Variants in ALG9 observed in about 807,000 individuals in gnomAD.
The protein encoded by ALG9 is alpha-1,2-mannosyltransferase ALG9.
A neutral mutation model predicts 81.8 loss-of-function variants in ALG9; 55 were observed. The observed-to-expected ratio is 0.67, with a 90% confidence interval of 0.54 to 0.84. ALG9 has a LOEUF of 0.84. Among genes scored for constraint, ALG9 ranks in the 40% least tolerant of loss-of-function variants. The pLI, the probability that ALG9 is intolerant of heterozygous loss-of-function variation, is 0.00. For missense variants in ALG9, 629 were observed against 745.0 expected, an observed-to-expected ratio of 0.84 and a Z score of 1.81; for synonymous variants, 278 against 274.3, an observed-to-expected ratio of 1.01 and a Z score of -0.13.
At chr11:111,867,898 ACCG>A (rs1265485842) in intron 3 of ALG9, among the ~76,000 whole-genome samples, 4 of 152,006 alleles carry the variant, frequency 2.6e-5, no homozygotes, top group Non-Finnish European at 4.4e-5. Flanking sequence ...CTACCTTGTT[ACCG>A]CCAAGTGGAG....
rs548465357 is a variant in ALG9 at position 111,820,947 on chromosome 11, C to CACACACA, written c.1603-11175_1603-11174insTGTGTGT. 3.2e-3 allele frequency among the ~76,000 whole-genome samples: 465 copies of CACACACA among 146,916 alleles called. 2 individuals carry two copies. The highest frequency in any genetic ancestry group is 0.014 in the Middle Eastern group (4 of 278). ...ACACACACACACACACACACACACA[C>CACACACA]AAGCCAGGTATGGTGGTGTGCACCT... On this transcript the variant is annotated intron_variant, in intron 13 of 14. Transcript: ENST00000616540.
At chr11:111,846,469 A>G (rs537349498) in intron 8 of ALG9, among the ~76,000 whole-genome samples, 1 of 152,212 alleles carries the variant, frequency 6.6e-6, no homozygotes, top group South Asian at 2.1e-4. Flanking sequence ...AATTTACTAT[A>G]CCCTCCTGTT....
intron 8 of ALG9, among the ~76,000 whole-genome samples, chr11:111,850,854 T>C (rs1383442646): frequency 1.3e-5 from 2 of 152,124 alleles, no homozygotes; most frequent in Non-Finnish European, 2.9e-5. Context: ...ATGGTTGGTA[T>C]GCCAATTCTC....
intron 4 of ALG9, among the ~76,000 whole-genome samples, chr11:111,863,405 G>A (rs1592389771): frequency 1.3e-5 from 2 of 152,200 alleles, no homozygotes; most frequent in Admixed American, 6.5e-5. Context: ...GGGCTTGAAG[G>A]ACCACATAGG....
At chr11:111,864,972 T>TC (rs1961807093) in intron 4 of ALG9, among the ~76,000 whole-genome samples, 2 of 152,244 alleles carry the variant, frequency 1.3e-5, no homozygotes, top group Admixed American at 1.3e-4. Flanking sequence ...AGATGGGGTT[T>TC]CTCCATGTTG....
intron 14 of ALG9, among the ~76,000 whole-genome samples, chr11:111,804,341 T>C (rs1303619375): frequency 6.6e-6 from 1 of 152,100 alleles, no homozygotes; most frequent in East Asian, 1.9e-4. Context: ...CTGTCAACAG[T>C]GAGAAGACAA....
intron 14 of ALG9, among the ~76,000 whole-genome samples, chr11:111,788,178 C>T (rs1208047705): frequency 6.6e-6 from 1 of 152,206 alleles, no homozygotes; most frequent in African/African-American, 2.4e-5. Context: ...GTCATGTCAA[C>T]GTGGCATTTG....
At chr11:111,845,263 C>G (rs1031388478) in intron 8 of ALG9, 1 of 159,566 alleles carries the variant, frequency 6.3e-6, no homozygotes, top group African/African-American at 2.4e-5. Context: ...GTGGTCGTGC[C>G]GCTGCACTCC....
intron 8 of ALG9, among the ~76,000 whole-genome samples, chr11:111,851,376 G>A (rs1371333888): frequency 1.3e-5 from 2 of 151,844 alleles, no homozygotes; most frequent in Admixed American, 1.3e-4. Context: ...ATACTCAGGA[G>A]GCTGAGGCAG....
chr11:111,841,014 TA>T (rs1956135662), intron 9 of ALG9, among the ~76,000 whole-genome samples: 1 of 152,180 alleles, frequency 6.6e-6, no homozygotes, highest in African/African-American at 2.4e-5. Flanking sequence ...CCAAGAGATC[TA>T]AACTCTAACA....
chr11:111,772,037 C>T, the ALG9 span, among the ~76,000 whole-genome samples: 10 of 152,224 alleles, frequency 6.6e-5, no homozygotes, highest in African/African-American at 2.4e-4. Context: ...CATCTCCTAC[C>T]TCTGTTCTAC....
intron 13 of ALG9, among the ~76,000 whole-genome samples, chr11:111,826,519 G>GT (rs1199705968): frequency 1.3e-5 from 2 of 151,900 alleles, no homozygotes; most frequent in East Asian, 3.9e-4. Context: ...CTCCTGGTAG[G>GT]TTTTTTTATT....
chr11:111,789,199 C>T (rs908633948), intron 14 of ALG9, among the ~76,000 whole-genome samples: 2 of 151,920 alleles, frequency 1.3e-5, no homozygotes, highest in South Asian at 2.1e-4. Context: ...ATTGGTAGTT[C>T]ATAATTTTAT....
chr11:111,789,286 C>G (rs2136209602), intron 14 of ALG9, among the ~76,000 whole-genome samples: 1 of 152,174 alleles, frequency 6.6e-6, no homozygotes, highest in South Asian at 2.1e-4. Flanking sequence ...GGGTCTCGCT[C>G]TGTTGCCCAT....
chr11:111,808,119 A>G (rs1354759101), intron 14 of ALG9, among the ~76,000 whole-genome samples: 4 of 152,194 alleles, frequency 2.6e-5, no homozygotes, highest in Non-Finnish European at 5.9e-5. Flanking sequence ...CCCATTATGT[A>G]GAAATGGCAC....
At chr11:111,869,966 C>A (rs1555156779) in intron 2 of ALG9, among the ~76,000 whole-genome samples, 1 of 152,106 alleles carries the variant, frequency 6.6e-6, no homozygotes, top group African/African-American at 2.4e-5. Flanking sequence ...CGCCCACCAC[C>A]ATGCCCGGCT....
intron 14 of ALG9, among the ~76,000 whole-genome samples, chr11:111,795,468 G>A (rs1948122156): frequency 6.6e-6 from 1 of 152,110 alleles, no homozygotes; most frequent in Non-Finnish European, 1.5e-5. Flanking sequence ...TACTGCAAAA[G>A]GTCCCATAAT....
the ALG9 span, chr11:111,769,141 T>TA: frequency 0.61 from 71,675 of 117,002 alleles, 21,902 homozygotes; most frequent in East Asian, 0.78. Flanking sequence ...ACCCCATCTC[T>TA]AAAAAAAAAA....
chr11:111,842,353 C>T (rs781923315), intron 9 of ALG9, among the ~76,000 whole-genome samples: 1 of 152,104 alleles, frequency 6.6e-6, no homozygotes, highest in Non-Finnish European at 1.5e-5. Context: ...AAAATCACAA[C>T]CACAGCTAGA....
Sources: gnomAD v4.1 joint callset for allele counts (sites outside exome capture counted in the v4.1 genomes callset) on GRCh38, gnomAD v4.1.1 for gene constraint, MANE v1.5 for transcripts, NCBI Gene and HGNC (gene_info 2026-07-23, HGNC 2026-07-21) for gene names.